PAK1: variants seen among roughly 807,000 people sequenced by gnomAD.
PAK1 encodes p21 (RAC1) activated kinase 1.
In PAK1, 29 loss-of-function variants were observed where a neutral mutation model predicts 67.4. The ratio of observed to expected loss-of-function variants is 0.43; its 90% CI spans 0.32 to 0.59. PAK1 has a LOEUF of 0.59. Ranked by LOEUF, PAK1 falls within the 20% of genes least tolerant of loss-of-function variation. The pLI, the probability that PAK1 is intolerant of heterozygous loss-of-function variation, is 0.07. For missense variants in PAK1, 337 were observed against 670.7 expected, an observed-to-expected ratio of 0.50 and a Z score of 5.50; for synonymous variants, 223 against 237.4, an observed-to-expected ratio of 0.94 and a Z score of 0.56.
the PAK1 span, among the ~76,000 whole-genome samples, chr11:77,501,798 A>T: frequency 6.6e-6 from 1 of 152,246 alleles, no homozygotes; most frequent in Non-Finnish European, 1.5e-5. Context: ...GGAAAGCTCC[A>T]GTCCCTGAAT....
chr11:77,479,822 G>A, the PAK1 span, among the ~76,000 whole-genome samples: 1 of 151,752 alleles, frequency 6.6e-6, no homozygotes, highest in African/African-American at 2.4e-5. Context: ...TGGCCAGGCT[G>A]GTCTCAAACT....
intron 1 of PAK1, among the ~76,000 whole-genome samples, chr11:77,430,825 T>G (rs998426379): frequency 7.2e-5 from 11 of 152,168 alleles, no homozygotes; most frequent in South Asian, 2.1e-4. Flanking sequence ...GCCTAAAATA[T>G]AGTAACTAAT....
intron 1 of PAK1, among the ~76,000 whole-genome samples, chr11:77,421,862 A>ACC (rs1265616218): frequency 7.2e-5 from 11 of 152,316 alleles, no homozygotes; most frequent in Non-Finnish European, 1.6e-4. Flanking sequence ...GGTATCTAAT[A>ACC]ATGAAATGCA....
intron 8 of PAK1, among the ~76,000 whole-genome samples, chr11:77,351,742 A>G (rs552233936): frequency 9.2e-5 from 14 of 151,762 alleles, no homozygotes; most frequent in African/African-American, 3.2e-4. Flanking sequence ...TCTTGGGTGT[A>G]TAATTTAAAA....
chr11:77,496,486 G>A, the PAK1 span, among the ~76,000 whole-genome samples: 13 of 151,992 alleles, frequency 8.6e-5, no homozygotes, highest in Non-Finnish European at 1.3e-4. Flanking sequence ...ATTTGCCAGC[G>A]TGGTGGTGCA....
chr11:77,438,667 A>G (rs960662983), intron 1 of PAK1, among the ~76,000 whole-genome samples: 1 of 152,172 alleles, frequency 6.6e-6, no homozygotes, highest in Admixed American at 6.5e-5. Context: ...AGCTTCTCTA[A>G]AAGAGCTGTT....
At chr11:77,486,954 G>C in the PAK1 span, among the ~76,000 whole-genome samples, 1 of 152,216 alleles carries the variant, frequency 6.6e-6, no homozygotes, top group Non-Finnish European at 1.5e-5. Context: ...GTGACCTAGT[G>C]AGACACTGGC....
intron 1 of PAK1, among the ~76,000 whole-genome samples, chr11:77,462,097 C>T (rs959326147): frequency 6.6e-6 from 1 of 152,010 alleles, no homozygotes; most frequent in Non-Finnish European, 1.5e-5. Context: ...GAGGCCGAAG[C>T]GGGTGGATCA....
the PAK1 span, among the ~76,000 whole-genome samples, chr11:77,497,463 G>C: frequency 6.6e-6 from 1 of 152,180 alleles, no homozygotes; most frequent in Non-Finnish European, 1.5e-5. Context: ...CACTTAGAAG[G>C]AAAGTGACTC....
chr11:77,502,329 T>C, the PAK1 span, among the ~76,000 whole-genome samples: 4 of 152,230 alleles, frequency 2.6e-5, no homozygotes, highest in Non-Finnish European at 5.9e-5. Flanking sequence ...AAAGACTTCA[T>C]AAATGTCTAT....
Position 77,322,894 on chromosome 11 carries a change from AAATTGAT to A in PAK1, c.*373_*379del. On this transcript the variant is annotated 3_prime_UTR_variant, in exon 15 of 15. Coordinates refer to ENST00000356341, the MANE Select transcript of PAK1 (RefSeq NM_002576.5). The stretch of plus-strand genomic sequence containing the variant: ...CACTAAAGAAATCTCAATTGATTAC[AAATTGAT>A]AATATTATCAAACCATAAATTTATA... The A allele has an allele frequency of 1.8e-6, 1 of 552,808 alleles. No individual in the cohort carries two copies. Among genetic ancestry groups the A allele is most frequent in the Non-Finnish European group, 3.2e-6 (1 of 313,766 alleles). The allele number at this position is 552,808 out of a possible 1,614,324, so 34.2% of individuals were successfully genotyped here.
upstream of PAK1, among the ~76,000 whole-genome samples, chr11:77,477,363 A>G (rs920245303): frequency 1.3e-5 from 2 of 152,140 alleles, no homozygotes; most frequent in Admixed American, 6.5e-5. Context: ...AAACTTCTAA[A>G]TAAAGACCAA....
At chr11:77,344,001 G>C (rs993581141) in intron 9 of PAK1, 70 bp from the exon 10 acceptor site, 7 of 950,720 alleles carry the variant, frequency 7.4e-6, no homozygotes, top group Admixed American at 5.1e-5. Context: ...CTAAGTACCA[G>C]ACCTTAAGTA....
intron 1 of PAK1, among the ~76,000 whole-genome samples, chr11:77,448,323 C>A (rs1956706587): frequency 6.6e-6 from 1 of 152,154 alleles, no homozygotes; most frequent in South Asian, 2.1e-4. Flanking sequence ...CTTTTATTGA[C>A]CACCTGGTAT....
At chr11:77,344,677 G>A (rs1944133424) in intron 9 of PAK1, among the ~76,000 whole-genome samples, 1 of 152,190 alleles carries the variant, frequency 6.6e-6, no homozygotes, top group Non-Finnish European at 1.5e-5. Context: ...GTTTCAGAGA[G>A]GATGTGACTT....
chr11:77,327,589 G>A, intron 14 of PAK1, among the ~76,000 whole-genome samples: 1 of 148,618 alleles, frequency 6.7e-6, no homozygotes, highest in Middle Eastern at 3.4e-3. Flanking sequence ...AATGCTGAGA[G>A]ATTTTGTCAC....
intron 1 of PAK1, among the ~76,000 whole-genome samples, chr11:77,445,932 A>C (rs1308100171): frequency 6.6e-6 from 1 of 152,202 alleles, no homozygotes; most frequent in Admixed American, 6.5e-5. Flanking sequence ...CTATACAATA[A>C]GCACATTCAG....
the PAK1 span, among the ~76,000 whole-genome samples, chr11:77,507,789 G>T: frequency 6.6e-6 from 1 of 152,156 alleles, no homozygotes; most frequent in Non-Finnish European, 1.5e-5. Flanking sequence ...GCCTCCCAAA[G>T]CACTGGGATT....
the PAK1 span, among the ~76,000 whole-genome samples, chr11:77,527,658 T>C: frequency 6.6e-6 from 1 of 152,212 alleles, no homozygotes; most frequent in East Asian, 1.9e-4. Context: ...TCATATGATA[T>C]AGTCCTGGCT....
Sources: allele counts gnomAD v4.1 joint callset (sites outside exome capture counted in the v4.1 genomes callset), GRCh38; gene constraint gnomAD v4.1.1; transcripts MANE v1.5; gene names NCBI Gene and HGNC (gene_info 2026-07-23, HGNC 2026-07-21).